The following MAS1 variants were observed in gnomAD, a reference collection of about 807,000 sequenced individuals.
MAS1 encodes proto-oncogene Mas.
For synonymous variants in MAS1, 163 were observed against 164.2 expected (o/e 0.99, Z 0.05); for missense variants, 387 against 409.7 (o/e 0.94, Z 0.48).
At chr6:159,896,913 A>G (rs983229688) in intron 1 of MAS1, among the ~76,000 whole-genome samples, 1 of 151,806 alleles carries the variant, frequency 6.6e-6, no homozygotes, top group South Asian at 2.1e-4. Flanking sequence ...TTGATCTGTC[A>G]CCCCGGCTGG....
upstream of MAS1, among the ~76,000 whole-genome samples, chr6:159,889,555 G>T (rs538334206): frequency 1.3e-5 from 2 of 152,240 alleles, no homozygotes; most frequent in Admixed American, 6.5e-5. Context: ...TCTTCCGTGG[G>T]TCTGATCCTT....
chr6:159,915,551 T>C lies in MAS1; in HGVS notation c.*7618T>C, dbSNP rs1158454490. The stretch of plus-strand genomic sequence containing the variant: ...ATGCTGACATTACCTGTATGGTACA[T>C]TTTGGCCAACACCAGCCTGTTAATG... On this transcript the variant is annotated 3_prime_UTR_variant, in exon 3 of 3. Coordinates refer to ENST00000674077, the MANE Select transcript of MAS1 (RefSeq NM_002377.4). The C allele has an allele frequency of 6.6e-6, 1 of 152,174 alleles. No homozygotes were observed. The highest frequency in any genetic ancestry group is 1.5e-5 in the Non-Finnish European group (1 of 68,042). 9.4% of individuals were successfully genotyped at this position (152,174 alleles called of 1,614,324 possible). A position where few individuals can be genotyped will look rare whatever the true frequency, so the allele number is the denominator to read the frequency against.
rs1375733592 is a variant in MAS1, at chr6:159,911,927, C to T, written c.*3994C>T. ...ATACCCTGGCTAAGATGCTCCAACC[C>T]CTTCCCCTGTTGCCTGCCCGATGGC... On this transcript the variant is annotated 3_prime_UTR_variant, in exon 3 of 3. Transcript: ENST00000674077. The T allele has an allele frequency of 2.6e-5, 4 of 152,592 alleles. No homozygotes were observed. Among genetic ancestry groups the T allele is most frequent in the Non-Finnish European group, 5.8e-5 (4 of 68,380 alleles). 9.5% of individuals were successfully genotyped at this position (152,592 alleles called of 1,614,324 possible).
intron 1 of MAS1, among the ~76,000 whole-genome samples, chr6:159,894,002 T>C (rs905907065): frequency 6.6e-6 from 1 of 152,136 alleles, no homozygotes; most frequent in Non-Finnish European, 1.5e-5. Flanking sequence ...GATTGCTGTT[T>C]TGGCCCACTG....
In MAS1 at chr6:159,916,812, G is replaced by T. The variant is rs117477546; in HGVS notation, c.*8879G>T. On this transcript the variant is annotated 3_prime_UTR_variant, in exon 3 of 3. Transcript: ENST00000674077. ...GCAGCCACTCTTGGCTTTGCGGGCC[G>T]TACAGTCTGTGCTGCAATGACAACT... Among the ~76,000 whole-genome samples the T allele has an allele frequency of 1.3e-5, 2 of 152,378 alleles. No individual in the cohort carries two copies. The highest frequency in any genetic ancestry group is 4.8e-5 in the African/African-American group (2 of 41,592).
At position 159,907,800 on chromosome 6, in the gene MAS1, T is replaced by C. The variant is rs377679974; in HGVS notation, c.845T>C (p.Phe282Ser). ...NSSANPFIYF[F>S]VGSSKKKRFK... ...AGCGCCAACCCTTTCATTTACTTCT[T>C]TGTGGGAAGCAGTAAGAAGAAGAGA... Residue 282 changes from phenylalanine (F) to serine (S), a missense_variant, in exon 3 of 3, where the codon TTT becomes TCT. Coordinates refer to ENST00000674077, the MANE Select transcript of MAS1 (RefSeq NM_002377.4). 54 of 1,613,082 alleles carry C rather than the reference T, an allele frequency of 3.3e-5. No homozygotes were observed. Among genetic ancestry groups the C allele is most frequent in the Non-Finnish European group, 4.2e-5 (50 of 1,179,922 alleles).
At chr6:159,903,831 C>A (rs2115115741) in intron 2 of MAS1, among the ~76,000 whole-genome samples, 1 of 152,304 alleles carries the variant, frequency 6.6e-6, no homozygotes, top group African/African-American at 2.4e-5. Flanking sequence ...CTCAACCCCA[C>A]AGCCCCCAAG....
chr6:159,905,974 G>A (rs1320296971), intron 2 of MAS1, among the ~76,000 whole-genome samples: 2 of 152,144 alleles, frequency 1.3e-5, no homozygotes, highest in South Asian at 2.1e-4. Context: ...CCTGGGAGGC[G>A]GAGGTTGCAG....
chr6:159,907,519 C>T lies in MAS1; in HGVS notation c.564C>T (p.Ile188=). 6.2e-7 allele frequency: 1 copy of T among 1,613,968 alleles called. No individual in the cohort carries two copies. The highest frequency in any genetic ancestry group is 8.5e-7 in the Non-Finnish European group (1 of 1,179,982). Residue 188 remains isoleucine (I), a synonymous_variant, in exon 3 of 3, where the codon ATC becomes ATT. Transcript: ENST00000674077. Reference sequence around the variant, plus strand: ...CTCGGAATGACTGCCGAGCAGTCATCATCTTTATAGCCATCCTGAGCTTCC... The same window carrying T: ...CTCGGAATGACTGCCGAGCAGTCATTATCTTTATAGCCATCCTGAGCTTCC... ...SHSRNDCRAV[I]IFIAILSFLV...
chr6:159,894,418 CA>C (rs5881344), intron 1 of MAS1, among the ~76,000 whole-genome samples: 32,439 of 79,200 alleles, frequency 0.41, 3,681 homozygotes, highest in East Asian at 0.68. Flanking sequence ...GACCCTGTCT[CA>C]AAAAAAAAAA....
Position 159,912,815 on chromosome 6 carries a change from G to C in MAS1, c.*4882G>C, listed in dbSNP as rs1211211134. 1 of 152,090 alleles carries C rather than the reference G, an allele frequency of 6.6e-6. No homozygotes were observed. Among genetic ancestry groups the C allele is most frequent in the Non-Finnish European group, 1.5e-5 (1 of 68,032 alleles). The allele number at this position is 152,090 out of a possible 1,614,324, so 9.4% of individuals were successfully genotyped here. A position where few individuals can be genotyped will look rare whatever the true frequency, so the allele number is the denominator to read the frequency against. ...CAAACATTCAGGATTCTGTGAAGGAGGTAAGAGAGGTGTCACAGAACTGCT... is the reference window on the plus strand; with the variant it reads ...CAAACATTCAGGATTCTGTGAAGGACGTAAGAGAGGTGTCACAGAACTGCT... On this transcript the variant is annotated 3_prime_UTR_variant, in exon 3 of 3. Transcript: ENST00000674077.
In MAS1 at chr6:159,908,034, A is replaced by G. The variant is rs2115119810; in HGVS notation, c.*101A>G. 7.5e-7 allele frequency: 1 copy of G among 1,327,898 alleles called. No homozygotes were observed. The highest frequency in any genetic ancestry group is 2.4e-5 in the Admixed American group (1 of 41,582). 82.3% of individuals were successfully genotyped at this position (1,327,898 alleles called of 1,614,324 possible). On this transcript the variant is annotated 3_prime_UTR_variant, in exon 3 of 3. Transcript: ENST00000674077. ...GTATCTCCTAAATGTGATACAGAAG[A>G]ACATCTCATCCCATATGCATGAGAT...
chr6:159,899,995 G>A (rs556838962), intron 2 of MAS1, among the ~76,000 whole-genome samples: 1 of 152,130 alleles, frequency 6.6e-6, no homozygotes, highest in Non-Finnish European at 1.5e-5. Flanking sequence ...GCAGTGAGAC[G>A]AGATCGCGAC....
At chr6:159,891,443 G>T (rs183816312) in intron 1 of MAS1, among the ~76,000 whole-genome samples, 1 of 152,256 alleles carries the variant, frequency 6.6e-6, no homozygotes, top group East Asian at 1.9e-4. Flanking sequence ...AAGAATCTTA[G>T]GATCAATTCA....
intron 2 of MAS1, among the ~76,000 whole-genome samples, chr6:159,899,871 C>G (rs1057041119): frequency 6.6e-6 from 1 of 152,036 alleles, no homozygotes; most frequent in African/African-American, 2.4e-5. Flanking sequence ...GATGGTGAAA[C>G]CCCGTCTCTA....
Position 159,904,837 on chromosome 6 carries a change from C to A in MAS1, c.-36-2083C>A, listed in dbSNP as rs970327891. Among the ~76,000 whole-genome samples the A allele has an allele frequency of 3.3e-5, 5 of 152,260 alleles. No individual in the cohort carries two copies. The East Asian group carries it at 9.7e-4, about 29-fold the overall frequency. On this transcript the variant is annotated intron_variant, in intron 2 of 2. Coordinates refer to ENST00000674077, the MANE Select transcript of MAS1 (RefSeq NM_002377.4). Reference sequence around the variant, plus strand: ...TGCCGGGCCGTTCCTGCCTTGCTGGCCTTTCTGCGGTTCTTCACTCCTGGC... The same window carrying A: ...TGCCGGGCCGTTCCTGCCTTGCTGGACTTTCTGCGGTTCTTCACTCCTGGC...
rs384637 is a variant in MAS1, at chr6:159,898,634, T to C, written c.-243-552T>C. Among the ~76,000 whole-genome samples the C allele has an allele frequency of 5.0e-3, 47 of 9,312 alleles. 1 individual carries two copies. Among genetic ancestry groups the C allele is most frequent in the East Asian group, 0.016 (2 of 126 alleles). The allele number at this position is 9,312 out of a possible 152,430, so 6.1% of individuals were successfully genotyped here. A position where few individuals can be genotyped will look rare whatever the true frequency, so the allele number is the denominator to read the frequency against. ...TCCTCCTTCCTCCTCCTCCCTCTTC[T>C]TCCTCCTCCCTCTTCCTCCTCCTCC... On this transcript the variant is annotated intron_variant, in intron 1 of 2. Coordinates refer to ENST00000674077, the MANE Select transcript of MAS1 (RefSeq NM_002377.4).
intron 1 of MAS1, among the ~76,000 whole-genome samples, chr6:159,897,893 CTT>C (rs957148821): frequency 1.3e-5 from 2 of 149,122 alleles, no homozygotes; most frequent in Admixed American, 1.3e-4. Context: ...TTAAACAAGT[CTT>C]TTTTTTTTCT....
intron 2 of MAS1, chr6:159,902,216 G>A (rs543483526): frequency 3.3e-5 from 5 of 152,280 alleles, no homozygotes; most frequent in Middle Eastern, 3.4e-3. Context: ...TCAAAAACTC[G>A]GATTAGGTCC....
Sources: allele counts gnomAD v4.1 joint callset (sites outside exome capture counted in the v4.1 genomes callset), GRCh38; gene constraint gnomAD v4.1.1; transcripts MANE v1.5; gene names NCBI Gene and HGNC (gene_info 2026-07-23, HGNC 2026-07-21).